CDH13: variants seen among roughly 807,000 people sequenced by gnomAD.
CDH13 encodes cadherin 13, also known as cadherin-13.
In CDH13, 24 loss-of-function variants were observed where a neutral mutation model predicts 63.8. The observed-to-expected ratio is 0.38, with a 90% confidence interval of 0.27 to 0.53. The LOEUF (loss-of-function observed/expected upper bound fraction) is 0.53. Among genes scored for constraint, CDH13 ranks in the 20% least tolerant of loss-of-function variants. CDH13 has a pLI of 0.85. For synonymous variants in CDH13, 503 were observed against 355.3 expected (o/e 1.42, Z -4.67); for missense variants, 1,049 against 903.1 (o/e 1.16, Z -2.07).
intron 8 of CDH13, among the ~76,000 whole-genome samples, chr16:83,669,166 C>T (rs1377555673): frequency 6.6e-6 from 1 of 152,030 alleles, no homozygotes. Context: ...ACTGCTTGTC[C>T]CAGAAGACCA....
At chr16:83,191,530 C>CACACAT (rs1334419994) in intron 4 of CDH13, among the ~76,000 whole-genome samples, 1 of 74,380 alleles carries the variant, frequency 1.3e-5, no homozygotes, top group Non-Finnish European at 2.4e-5. Context: ...CACACACACA[C>CACACAT]ATATATATAT....
intron 4 of CDH13, among the ~76,000 whole-genome samples, chr16:83,205,163 G>T (rs564047883): frequency 2.0e-5 from 3 of 152,214 alleles, no homozygotes; most frequent in Non-Finnish European, 1.5e-5. Flanking sequence ...GAGCCACCTT[G>T]ACTTAAAGCA....
intron 6 of CDH13, among the ~76,000 whole-genome samples, chr16:83,463,321 A>C (rs894988351): frequency 6.6e-6 from 1 of 152,200 alleles, no homozygotes; most frequent in Non-Finnish European, 1.5e-5. Flanking sequence ...AGCGATTCAC[A>C]ATAAAAACAG....
chr16:83,370,361 C>G (rs553951560), intron 6 of CDH13, among the ~76,000 whole-genome samples: 2 of 147,618 alleles, frequency 1.4e-5, no homozygotes, highest in African/African-American at 5.1e-5. Context: ...GCACTCCAGC[C>G]TGGGTAACAC....
chr16:82,861,826 C>T (rs2039958545), intron 2 of CDH13, among the ~76,000 whole-genome samples: 1 of 152,198 alleles, frequency 6.6e-6, no homozygotes, highest in Admixed American at 6.5e-5. Flanking sequence ...ACATAGCATT[C>T]AGCTATTTCT....
chr16:82,821,761 A>G (rs2038011492), intron 1 of CDH13, among the ~76,000 whole-genome samples: 2 of 152,224 alleles, frequency 1.3e-5, no homozygotes, highest in African/African-American at 4.8e-5. Context: ...GCTCCCCTAA[A>G]AATAAATACT....
chr16:83,243,637 CTCAATCTAGGATCA>C (rs1305096443), intron 5 of CDH13, among the ~76,000 whole-genome samples: 6 of 152,146 alleles, frequency 3.9e-5, no homozygotes, highest in Non-Finnish European at 7.3e-5. Flanking sequence ...CTTCAAAGGA[CTCAATCTAGGATCA>C]TCACAAAATG....
chr16:82,994,209 G>A (rs1193798105), intron 2 of CDH13, among the ~76,000 whole-genome samples: 4 of 152,140 alleles, frequency 2.6e-5, no homozygotes, highest in Admixed American at 2.6e-4. Flanking sequence ...CCCATCCTTT[G>A]TGCATCACAC....
chr16:83,363,303 G>T (rs1042269363), intron 6 of CDH13, among the ~76,000 whole-genome samples: 4 of 152,102 alleles, frequency 2.6e-5, no homozygotes, highest in African/African-American at 9.7e-5. Context: ...TTCCTTTGTG[G>T]CTCCAAGAAA....
chr16:83,529,483 T>C lies in CDH13; in HGVS notation c.960+42828T>C, dbSNP rs539421783. Among the ~76,000 whole-genome samples, 178 of 152,328 alleles carry C rather than the reference T, an allele frequency of 1.2e-3. 1 individual carries two copies. Among genetic ancestry groups the C allele is most frequent in the African/African-American group, 4.2e-3 (175 of 41,576 alleles). ...ACTACATCCATTCTAGGAAATACTA[T>C]ATGGCTTTAAAAAATAACTGATAAT... On this transcript the variant is annotated intron_variant, in intron 7 of 13. Coordinates refer to ENST00000567109, the MANE Select transcript of CDH13 (RefSeq NM_001257.5).
intron 1 of CDH13, among the ~76,000 whole-genome samples, chr16:82,703,966 T>A (rs2031271215): frequency 1.3e-5 from 2 of 152,296 alleles, no homozygotes; most frequent in Non-Finnish European, 2.9e-5. Flanking sequence ...TTTATCTGTT[T>A]CCAATTTGTG....
chr16:83,205,895 G>A (rs530257772), intron 4 of CDH13, among the ~76,000 whole-genome samples: 1 of 152,220 alleles, frequency 6.6e-6, no homozygotes, highest in South Asian at 2.1e-4. Flanking sequence ...GAGCCACGGT[G>A]CCCGGCCAAA....
chr16:83,429,511 GAC>G (rs71148834), intron 6 of CDH13, among the ~76,000 whole-genome samples: 19 of 148,882 alleles, frequency 1.3e-4, no homozygotes, highest in East Asian at 2.0e-4. Context: ...AGACAATGAA[GAC>G]ACACACACAC....
At chr16:83,462,261 C>A (rs2073201045) in intron 6 of CDH13, among the ~76,000 whole-genome samples, 1 of 152,236 alleles carries the variant, frequency 6.6e-6, no homozygotes, top group African/African-American at 2.4e-5. Flanking sequence ...GGAAGCAATG[C>A]TGTGGCTCCA....
intron 5 of CDH13, among the ~76,000 whole-genome samples, chr16:83,322,408 C>G (rs570895932): frequency 6.6e-6 from 1 of 152,300 alleles, no homozygotes; most frequent in East Asian, 1.9e-4. Context: ...AAAACTAAAA[C>G]GAAAAGTTCT....
At chr16:82,677,252 C>G (rs994472285) in intron 1 of CDH13, among the ~76,000 whole-genome samples, 9 of 152,198 alleles carry the variant, frequency 5.9e-5, no homozygotes, top group South Asian at 2.1e-4. Flanking sequence ...CTTTGTATTT[C>G]AGGTCTATTG....
chr16:83,081,118 T>C (rs1286570059), intron 3 of CDH13, among the ~76,000 whole-genome samples: 1 of 151,894 alleles, frequency 6.6e-6, no homozygotes, highest in Non-Finnish European at 1.5e-5. Flanking sequence ...CGACGTCAGG[T>C]GATCTGCCCA....
At chr16:83,366,151 A>AT (rs199791334) in intron 6 of CDH13, among the ~76,000 whole-genome samples, 91 of 152,320 alleles carry the variant, frequency 6.0e-4, no homozygotes, top group African/African-American at 1.8e-3. Context: ...AATAACAGGG[A>AT]TTTTTTTAAA....
chr16:82,843,527 T>C (rs1211019125), intron 1 of CDH13, among the ~76,000 whole-genome samples: 1 of 152,256 alleles, frequency 6.6e-6, no homozygotes, highest in Admixed American at 6.5e-5. Context: ...TTGTGCTTGA[T>C]TTGTTTCTTT....
Sources: gnomAD v4.1 joint callset for allele counts (sites outside exome capture counted in the v4.1 genomes callset) on GRCh38, gnomAD v4.1.1 for gene constraint, MANE v1.5 for transcripts, NCBI Gene and HGNC (gene_info 2026-07-23, HGNC 2026-07-21) for gene names.